Variants in RBFOX1 observed in about 807,000 individuals in gnomAD.
The protein encoded by RBFOX1 is RNA binding fox-1 homolog 1.
Under a neutral mutation model 57.7 loss-of-function variants are expected in RBFOX1, and 8 were observed. The observed-to-expected ratio is 0.14, with a 90% CI of 0.08 to 0.25. The LOEUF (loss-of-function observed/expected upper bound fraction) is 0.25, where lower values mean the gene tolerates loss of function less well. Among genes scored for constraint, RBFOX1 ranks in the 10% least tolerant of loss-of-function variants. The pLI is 1.00. For synonymous variants in RBFOX1, 326 were observed against 222.4 expected, an observed-to-expected ratio of 1.47 and a Z score of -4.15; for missense variants, 611 against 548.5, an observed-to-expected ratio of 1.11 and a Z score of -1.14.
intron 2 of RBFOX1, among the ~76,000 whole-genome samples, chr16:6,351,396 A>T (rs1179796422): frequency 8.9e-6 from 1 of 112,730 alleles, no homozygotes; most frequent in African/African-American, 4.0e-5. Context: ...TTCTTGAGGC[A>T]GAGTTTTGCT....
intron 4 of RBFOX1, among the ~76,000 whole-genome samples, chr16:7,269,501 C>T (rs1302379312): frequency 1.3e-5 from 2 of 152,000 alleles, no homozygotes; most frequent in Non-Finnish European, 2.9e-5. Flanking sequence ...AAAAAGCTTA[C>T]AGTATTTGAC....
intron 2 of RBFOX1, among the ~76,000 whole-genome samples, chr16:6,563,347 A>G (rs530027483): frequency 1.8e-4 from 27 of 152,272 alleles, no homozygotes; most frequent in African/African-American, 5.1e-4. Context: ...TTTCACATCA[A>G]TATTTCATAG....
At chr16:6,065,506 G>C (rs889696) in intron 1 of RBFOX1, among the ~76,000 whole-genome samples, 141,106 of 152,230 alleles carry the variant, frequency 0.93, 65,459 homozygotes, top group African/African-American at 0.96. Context: ...TTTCCACTCA[G>C]TCCTCTGTCT....
At chr16:5,698,985 T>A (rs1212348019) in intron 3 of RBFOX1, among the ~76,000 whole-genome samples, 4 of 5,670 alleles carry the variant, frequency 7.1e-4, no homozygotes, top group Admixed American at 3.8e-3. Flanking sequence ...CTGGTTGGAT[T>A]TTTTTTTTTT....
At chr16:5,895,157 G>A (rs1055263938) in intron 4 of RBFOX1, among the ~76,000 whole-genome samples, 1 of 152,300 alleles carries the variant, frequency 6.6e-6, no homozygotes, top group East Asian at 1.9e-4. Context: ...CCATAAGATT[G>A]TCCATATCAA....
intron 4 of RBFOX1, among the ~76,000 whole-genome samples, chr16:5,874,864 G>A (rs2057564745): frequency 6.6e-6 from 1 of 152,144 alleles, no homozygotes; most frequent in African/African-American, 2.4e-5. Context: ...AGGATCACTT[G>A]GGACCCAGGA....
chr16:6,770,550 T>G (rs1306208716), intron 3 of RBFOX1, among the ~76,000 whole-genome samples: 2 of 152,166 alleles, frequency 1.3e-5, no homozygotes, highest in African/African-American at 4.8e-5. Flanking sequence ...ACGGAAGATG[T>G]TCGTCAACCT....
chr16:6,940,161 C>T (rs944590408), intron 3 of RBFOX1, among the ~76,000 whole-genome samples: 2 of 151,964 alleles, frequency 1.3e-5, no homozygotes, highest in Non-Finnish European at 2.9e-5. Context: ...TGCTCCACTC[C>T]AGTCTGGGCA....
chr16:7,071,615 GTGTT>G (rs1344527598), intron 4 of RBFOX1, among the ~76,000 whole-genome samples: 63 of 146,526 alleles, frequency 4.3e-4, no homozygotes, highest in African/African-American at 1.5e-3. Flanking sequence ...GTGTGTGTGT[GTGTT>G]TGTCTGTATA....
intron 3 of RBFOX1, among the ~76,000 whole-genome samples, chr16:6,859,504 C>T (rs2058633751): frequency 6.6e-6 from 1 of 151,802 alleles, no homozygotes; most frequent in Non-Finnish European, 1.5e-5. Flanking sequence ...TGCCCTAATG[C>T]CCATGGACCT....
At chr16:7,467,554 G>A (rs2060752643) in intron 4 of RBFOX1, among the ~76,000 whole-genome samples, 1 of 152,158 alleles carries the variant, frequency 6.6e-6, no homozygotes, top group African/African-American at 2.4e-5. Flanking sequence ...ATAAACGTGG[G>A]TTCAAATCCC....
intron 1 of RBFOX1, among the ~76,000 whole-genome samples, chr16:6,286,703 C>G (rs966222422): frequency 6.6e-6 from 1 of 152,156 alleles, no homozygotes; most frequent in Admixed American, 6.5e-5. Flanking sequence ...GGAGAATGAT[C>G]CAACATTGCT....
intron 2 of RBFOX1, among the ~76,000 whole-genome samples, chr16:5,508,923 C>G (rs140076964): frequency 6.6e-6 from 1 of 152,310 alleles, no homozygotes; most frequent in Non-Finnish European, 1.5e-5. Flanking sequence ...CCGCGTCTCT[C>G]CAGCATAGGA....
intron 3 of RBFOX1, among the ~76,000 whole-genome samples, chr16:6,851,359 T>C (rs1031364334): frequency 6.6e-6 from 1 of 152,126 alleles, no homozygotes; most frequent in Admixed American, 6.6e-5. Flanking sequence ...CTGTGATATT[T>C]ATAGTTTTGT....
intron 3 of RBFOX1, among the ~76,000 whole-genome samples, chr16:6,863,953 T>C (rs1160574396): frequency 1.3e-5 from 2 of 151,302 alleles, no homozygotes; most frequent in African/African-American, 4.8e-5. Flanking sequence ...TTCCTTCTCT[T>C]GCAAAATCCT....
At chr16:6,810,667 G>C (rs1372252844) in intron 3 of RBFOX1, among the ~76,000 whole-genome samples, 2 of 152,184 alleles carry the variant, frequency 1.3e-5, no homozygotes, top group Middle Eastern at 3.4e-3. Flanking sequence ...AGTTCCACAT[G>C]GCTGGGAAGT....
chr16:5,383,071 GT>G (rs1180085617), intron 1 of RBFOX1, among the ~76,000 whole-genome samples: 3 of 152,170 alleles, frequency 2.0e-5, no homozygotes, highest in African/African-American at 7.2e-5. Flanking sequence ...TGATGCCACA[GT>G]TTCCAGATGC....
downstream of RBFOX1, among the ~76,000 whole-genome samples, chr16:5,602,990 C>G (rs1032128538): frequency 6.6e-6 from 1 of 152,096 alleles, no homozygotes; most frequent in Non-Finnish European, 1.5e-5. Context: ...ATGGGGTTTA[C>G]AAGACTAAAT....
intron 1 of RBFOX1, among the ~76,000 whole-genome samples, chr16:5,275,755 C>G (rs9938821): frequency 0.35 from 52,679 of 152,014 alleles, 9,273 homozygotes; most frequent in African/African-American, 0.41. Flanking sequence ...AAGAACCAAT[C>G]TAGAGGCATC....
Sources: allele counts gnomAD v4.1 joint callset (sites outside exome capture counted in the v4.1 genomes callset), GRCh38; gene constraint gnomAD v4.1.1; transcripts MANE v1.5; gene names NCBI Gene and HGNC (gene_info 2026-07-23, HGNC 2026-07-21).